The following KMT2C variants were observed in gnomAD, a reference collection of about 807,000 sequenced individuals.
KMT2C encodes histone-lysine N-methyltransferase 2C.
KMT2C carries 88 observed loss-of-function variants against 507.9 expected under a neutral mutation model. The observed-to-expected ratio is 0.17, with a 90% CI of 0.15 to 0.21. KMT2C has a LOEUF of 0.21. KMT2C is among the 10% of genes least tolerant of loss of function. KMT2C has a pLI of 1.00. For missense variants in KMT2C, 4,954 were observed against 5,957.8 expected (o/e 0.83, Z 5.55); for synonymous variants, 2,049 against 2,080.8 (o/e 0.98, Z 0.42).
Position 152,162,248 on chromosome 7 carries a change from G to C in KMT2C, c.11329C>G (p.Leu3777Val). 6.2e-7 allele frequency: 1 copy of C among 1,614,134 alleles called. No homozygotes were observed. Among genetic ancestry groups the C allele is most frequent in the Non-Finnish European group, 8.5e-7 (1 of 1,180,018 alleles). Residue 3777 changes from leucine (L) to valine (V), a missense_variant, in exon 43 of 59, where the codon CTG (leucine) becomes GTG (valine). By Grantham distance (32) the Leu-to-Val change is conservative. Transcript: ENST00000262189. ...AAKGDSGNEL[L>V]KHLLKNKKSS... ...TTTTTATTTTTCAACAAGTGTTTCA[G>C]AAGTTCATTCCCTGAGTCTCCTTTG...
At chr7:152,301,491 G>C (rs2096567882) in intron 6 of KMT2C, among the ~76,000 whole-genome samples, 1 of 151,930 alleles carries the variant, frequency 6.6e-6, no homozygotes, top group African/African-American at 2.4e-5. Flanking sequence ...CCCGCTGACA[G>C]TGTGAGACTC....
At position 152,162,432 on chromosome 7, in the gene KMT2C, T is replaced by G. The variant is rs1443152962; in HGVS notation, c.11145A>C (p.Thr3715=). 1 of 1,614,160 alleles carries G rather than the reference T, an allele frequency of 6.2e-7. No homozygotes were observed. The highest frequency in any genetic ancestry group is 8.5e-7 in the Non-Finnish European group (1 of 1,180,058). The change falls in exon 43 of 59, where the codon ACA becomes ACC. Residue 3715 remains threonine, a synonymous_variant. Transcript: ENST00000262189. Reference sequence around the variant, plus strand: ...CAGCCTTTTCCAGTTTTATCTCTTCTGTTTTGGCAGGGGTTTCCATGGAGA... The same window carrying G: ...CAGCCTTTTCCAGTTTTATCTCTTCGGTTTTGGCAGGGGTTTCCATGGAGA... The part of the protein sequence containing the change: ...DKLSMETPAK[T]EEIKLEKAET...
intron 52 of KMT2C, among the ~76,000 whole-genome samples, chr7:152,147,530 A>G (rs763339913): frequency 6.6e-6 from 1 of 151,960 alleles, no homozygotes; most frequent in Non-Finnish European, 1.5e-5. Context: ...TAAAAATACA[A>G]AATTAAAAAC....
chr7:152,249,982 A>C, intron 12 of KMT2C, 29 bp from the exon 13 acceptor site: 1 of 1,436,098 alleles, frequency 7.0e-7, no homozygotes, highest in South Asian at 1.1e-5. Context: ...TAAAATCTCT[A>C]AGGAGTCAAA....
intron 23 of KMT2C, among the ~76,000 whole-genome samples, chr7:152,209,742 TTA>T (rs2094409138): frequency 4.2e-5 from 6 of 142,328 alleles, no homozygotes; most frequent in African/African-American, 1.6e-4. Flanking sequence ...CCAATCTCCT[TTA>T]AAAAAAAAAA....
chr7:152,178,149 A>G (rs1236128262), intron 37 of KMT2C, 139 bp from the exon 38 acceptor site: 2 of 875,422 alleles, frequency 2.3e-6, no homozygotes, highest in African/African-American at 3.6e-5. Context: ...ACAAAAGCAA[A>G]GCTATCACCA....
Position 152,251,928 on chromosome 7 carries a change from C to T in KMT2C, c.1621+11G>A. 5.8e-6 allele frequency: 9 copies of T among 1,558,702 alleles called. No homozygotes were observed. Among genetic ancestry groups the T allele is most frequent in the Non-Finnish European group, 7.8e-6 (9 of 1,153,626 alleles). ...ACAAAAAATTTAAAAAAAAATCATT[C>T]TCAAATTTACCTGTAGTGAGCTCAG... On this transcript the variant is annotated intron_variant, in intron 11 of 58. Transcript: ENST00000262189.
At chr7:152,315,372 A>G in intron 3 of KMT2C, 34 bp from the exon 4 acceptor site, 1 of 1,525,184 alleles carries the variant, frequency 6.6e-7, no homozygotes, top group Non-Finnish European at 9.1e-7. Context: ...AGAGAAGGAG[A>G]AAAGTAGCTT....
Position 152,259,105 on chromosome 7 carries a change from T to C in KMT2C, c.1299+3911A>G, listed in dbSNP as rs577529110. 2.6e-5 allele frequency among the ~76,000 whole-genome samples: 4 copies of C among 152,080 alleles called. No homozygotes were observed. In the East Asian group the frequency reaches 7.7e-4, roughly 29 times the overall value. ...GATATCAAAGACAAAATGGGGAAAT[T>C]TGTTTGAAAAAAAGAAAAAAACAAG... On this transcript the variant is annotated intron_variant, in intron 9 of 58. Coordinates refer to ENST00000262189, the MANE Select transcript of KMT2C (RefSeq NM_170606.3).
intron 4 of KMT2C, 163 bp from the exon 5 acceptor site, chr7:152,312,109 A>AT (rs1430710400): frequency 4.6e-5 from 21 of 457,818 alleles, no homozygotes; most frequent in Admixed American, 2.3e-4. Flanking sequence ...TCCATGGTAT[A>AT]ATATTAAACT....
rs1312907747 is a variant in KMT2C, at chr7:152,217,509, A to AG, written c.3712+3013dup. 5.3e-5 allele frequency among the ~76,000 whole-genome samples: 8 copies of AG among 152,344 alleles called. No homozygotes were observed. In the East Asian group the frequency reaches 1.5e-3, roughly 29 times the overall value. ...AGATCCTGGCACGTAAATGAACATGAGGGACTAGTCATGAAAATGCTGTAT... is the reference window on the plus strand; with the variant it reads ...AGATCCTGGCACGTAAATGAACATGAGGGGACTAGTCATGAAAATGCTGTAT... On this transcript the variant is annotated intron_variant, in intron 23 of 58. Transcript: ENST00000262189.
Position 152,156,041 on chromosome 7 carries a change from T to A in KMT2C, c.11829A>T (p.Gly3943=), listed in dbSNP as rs752126939. ...TGAAGGGCAGCTGAAATGGTTTAGGTCCTAGAGTTTTGGTAACTGGAAAAG... is the reference window on the plus strand; with the variant it reads ...TGAAGGGCAGCTGAAATGGTTTAGGACCTAGAGTTTTGGTAACTGGAAAAG... ...LVSHEVTKTL[G]PKPFQLPFRP... is the part of the protein sequence containing the mutation. Residue 3943 remains glycine (G), a synonymous_variant, in exon 46 of 59, where the codon GGA becomes GGT. Transcript: ENST00000262189. 3.7e-6 allele frequency: 6 copies of A among 1,600,402 alleles called. No homozygotes were observed. Among genetic ancestry groups the A allele is most frequent in the Non-Finnish European group, 5.1e-6 (6 of 1,175,712 alleles).
At chr7:152,333,841 C>CT (rs200169071) in intron 2 of KMT2C, among the ~76,000 whole-genome samples, 5,819 of 151,982 alleles carry the variant, frequency 0.038, 382 homozygotes, top group African/African-American at 0.13. Flanking sequence ...TGTTTCTTTT[C>CT]TTTTTTAAAA....
intron 1 of KMT2C, among the ~76,000 whole-genome samples, chr7:152,401,767 A>G (rs974448469): frequency 6.6e-6 from 1 of 152,240 alleles, no homozygotes; most frequent in Non-Finnish European, 1.5e-5. Context: ...TGACAATGTC[A>G]ATGTCAGAAA....
At chr7:152,251,771 T>C (rs1251364316) in intron 11 of KMT2C, among the ~76,000 whole-genome samples, 168 bp downstream of exon 11, 1 of 152,112 alleles carries the variant, frequency 6.6e-6, no homozygotes. Flanking sequence ...AGCCATCAGA[T>C]TCAGAGATGA....
chr7:152,353,234 C>T (rs1485644696), intron 2 of KMT2C, among the ~76,000 whole-genome samples: 1 of 151,908 alleles, frequency 6.6e-6, no homozygotes, highest in Non-Finnish European at 1.5e-5. Context: ...ACCAGCCTGG[C>T]AAAGATGGTG....
intron 23 of KMT2C, among the ~76,000 whole-genome samples, chr7:152,208,383 G>T (rs1435810581): frequency 1.3e-5 from 2 of 152,170 alleles, no homozygotes; most frequent in East Asian, 3.9e-4. Flanking sequence ...CTGATATTTA[G>T]AAAAGATTAT....
chr7:152,180,981 AGATGGG>A lies in KMT2C; in HGVS notation c.6873_6878del (p.Pro2292_Ser2293del), dbSNP rs1183248874. The A allele has an allele frequency of 5.0e-6, 8 of 1,614,114 alleles. No homozygotes were observed. Among genetic ancestry groups the A allele is most frequent in the Non-Finnish European group, 6.8e-6 (8 of 1,180,048 alleles). ...ACTGATCATAGGGATCACGGGCAGC[AGATGGG>A]GAAACACGGCTAAATGTGTCTGAAA... On this transcript the variant is annotated inframe_deletion, in exon 36 of 59. Transcript: ENST00000262189.
intron 48 of KMT2C, 85 bp downstream of exon 48, chr7:152,153,925 G>T: frequency 7.7e-7 from 1 of 1,305,974 alleles, no homozygotes; most frequent in Non-Finnish European, 1.1e-6. Flanking sequence ...GATCCTGTTT[G>T]TGTGTGTTTT....
Sources: allele counts gnomAD v4.1 joint callset (sites outside exome capture counted in the v4.1 genomes callset), GRCh38; gene constraint gnomAD v4.1.1; transcripts MANE v1.5; gene names NCBI Gene and HGNC (gene_info 2026-07-23, HGNC 2026-07-21).